Variants in DAPK1 observed in about 807,000 individuals in gnomAD.
DAPK1 encodes death associated protein kinase 1.
Under a neutral mutation model 144.9 loss-of-function variants are expected in DAPK1, and 56 were observed. The observed-to-expected ratio is 0.39, with a 90% CI of 0.31 to 0.48. The LOEUF is 0.48. Ranked by LOEUF, DAPK1 falls within the 20% of genes least tolerant of loss-of-function variation. The pLI is 0.95. For missense variants in DAPK1, 1,454 were observed against 1,875.4 expected (o/e 0.78, Z 4.15); for synonymous variants, 690 against 749.0 (o/e 0.92, Z 1.29).
chr9:87,621,725 C>G (rs1252216866), intron 3 of DAPK1, among the ~76,000 whole-genome samples: 1 of 152,148 alleles, frequency 6.6e-6, no homozygotes, highest in Non-Finnish European at 1.5e-5. Context: ...CACTCTGACT[C>G]TGGGCTTTTT....
At chr9:87,646,773 T>A (rs1323589579) in intron 13 of DAPK1, among the ~76,000 whole-genome samples, 1 of 152,218 alleles carries the variant, frequency 6.6e-6, no homozygotes, top group African/African-American at 2.4e-5. Context: ...CGCTGCTGCT[T>A]GACATCAGCA....
At chr9:87,558,423 G>A (rs369296868) in intron 2 of DAPK1, among the ~76,000 whole-genome samples, 14 of 152,278 alleles carry the variant, frequency 9.2e-5, no homozygotes, top group African/African-American at 3.4e-4. Context: ...GGATCTAGTC[G>A]AATAAGCTTT....
intron 2 of DAPK1, among the ~76,000 whole-genome samples, chr9:87,509,657 G>A (rs1353553387): frequency 1.3e-5 from 2 of 152,218 alleles, no homozygotes; most frequent in Non-Finnish European, 2.9e-5. Context: ...ACCGCGCCCG[G>A]CCATCCTGCC....
intron 18 of DAPK1, among the ~76,000 whole-genome samples, chr9:87,662,388 T>C (rs1278075290): frequency 6.6e-6 from 1 of 152,110 alleles, no homozygotes; most frequent in African/African-American, 2.4e-5. Flanking sequence ...GGAGATTGCA[T>C]TGAATCTGTA....
At chr9:87,594,365 T>C (rs976459637) in intron 2 of DAPK1, among the ~76,000 whole-genome samples, 6 of 152,184 alleles carry the variant, frequency 3.9e-5, no homozygotes, top group African/African-American at 1.4e-4. Flanking sequence ...CACGTATCCT[T>C]TAGCTGGAGC....
At chr9:87,647,190 G>A (rs1830296843) in intron 13 of DAPK1, 115 bp from the exon 14 acceptor site, 1 of 806,106 alleles carries the variant, frequency 1.2e-6, no homozygotes, top group Non-Finnish European at 2.2e-6. Context: ...CTGGGAAGTT[G>A]CTCCTCTGGG....
chr9:87,566,107 G>A (rs1827112874), intron 2 of DAPK1, among the ~76,000 whole-genome samples: 4 of 147,896 alleles, frequency 2.7e-5, no homozygotes, highest in Middle Eastern at 3.6e-3. Flanking sequence ...TGCAAGCTCC[G>A]CCTCCCAGGT....
At chr9:87,508,354 T>G (rs1187166731) in intron 2 of DAPK1, among the ~76,000 whole-genome samples, 1 of 151,236 alleles carries the variant, frequency 6.6e-6, no homozygotes, top group Admixed American at 6.6e-5. Context: ...GGATTTTTTT[T>G]TTTTTTTAAA....
At chr9:87,694,720 G>T (rs538463224) in intron 21 of DAPK1, among the ~76,000 whole-genome samples, 1 of 152,192 alleles carries the variant, frequency 6.6e-6, no homozygotes, top group Non-Finnish European at 1.5e-5. Flanking sequence ...GACCTTGGTG[G>T]CAGCTGCCAG....
intron 2 of DAPK1, among the ~76,000 whole-genome samples, chr9:87,520,801 A>T (rs1027016469): frequency 6.6e-6 from 1 of 152,242 alleles, no homozygotes; most frequent in African/African-American, 2.4e-5. Flanking sequence ...AGGTATATAT[A>T]CATACTCAGT....
intron 3 of DAPK1, among the ~76,000 whole-genome samples, chr9:87,607,746 C>T (rs953639289): frequency 3.3e-5 from 5 of 152,110 alleles, no homozygotes; most frequent in Non-Finnish European, 5.9e-5. Context: ...TACTCCAGTA[C>T]CCCTTGTATT....
chr9:87,539,617 C>T (rs996024408), intron 2 of DAPK1, among the ~76,000 whole-genome samples: 1 of 151,800 alleles, frequency 6.6e-6, no homozygotes, highest in Non-Finnish European at 1.5e-5. Flanking sequence ...GGGGTTTAAC[C>T]GTGTTGGCCA....
At chr9:87,557,838 G>A (rs1826774084) in intron 2 of DAPK1, among the ~76,000 whole-genome samples, 1 of 152,130 alleles carries the variant, frequency 6.6e-6, no homozygotes, top group Non-Finnish European at 1.5e-5. Context: ...CTACTTGAGA[G>A]GCTGAGGCTT....
intron 2 of DAPK1, among the ~76,000 whole-genome samples, chr9:87,561,941 C>T (rs1230393699): frequency 6.6e-6 from 1 of 152,152 alleles, no homozygotes; most frequent in Non-Finnish European, 1.5e-5. Flanking sequence ...TGCACTCCAG[C>T]TTTACTGGCC....
At chr9:87,497,768 C>G (rs1008871639), upstream of DAPK1, 1 of 334,662 alleles carries the variant, frequency 3.0e-6, no homozygotes, top group East Asian at 4.6e-5. Flanking sequence ...CAGGGCAGCT[C>G]GGAGGTGGGT....
intron 11 of DAPK1, among the ~76,000 whole-genome samples, chr9:87,644,294 C>T (rs1416249070): frequency 1.3e-5 from 2 of 152,146 alleles, no homozygotes; most frequent in East Asian, 3.9e-4. Context: ...ACAAGACTTT[C>T]CCCTGACAAT....
intron 3 of DAPK1, chr9:87,632,096 A>T: frequency 3.1e-6 from 2 of 638,708 alleles, no homozygotes; most frequent in Non-Finnish European, 3.9e-6. Flanking sequence ...ATGTAGAAAT[A>T]TATATATATA....
At chr9:87,527,371 C>T (rs551550261) in intron 2 of DAPK1, among the ~76,000 whole-genome samples, 2 of 152,314 alleles carry the variant, frequency 1.3e-5, no homozygotes, top group Admixed American at 6.5e-5. Context: ...GTAGTCTTTG[C>T]GGCCTGTTGG....
At chr9:87,570,239 A>G (rs1425883479) in intron 2 of DAPK1, among the ~76,000 whole-genome samples, 1 of 152,304 alleles carries the variant, frequency 6.6e-6, no homozygotes, top group South Asian at 2.1e-4. Context: ...CCATATGTAC[A>G]CAAGACACAC....
Sources: allele counts gnomAD v4.1 joint callset (sites outside exome capture counted in the v4.1 genomes callset), GRCh38; gene constraint gnomAD v4.1.1; transcripts MANE v1.5; gene names NCBI Gene and HGNC (gene_info 2026-07-23, HGNC 2026-07-21).